Variants in CAMK1D observed in about 807,000 individuals in gnomAD.
CAMK1D encodes the protein calcium/calmodulin-dependent protein kinase type 1D.
A neutral mutation model predicts 47.7 loss-of-function variants in CAMK1D; 9 were observed. The observed-to-expected ratio is 0.19, with a 90% CI of 0.11 to 0.33. The LOEUF is 0.33. CAMK1D is among the 10% of genes least tolerant of loss of function. CAMK1D has a pLI of 1.00. For synonymous variants in CAMK1D, 184 were observed against 184.9 expected, an observed-to-expected ratio of 0.99 and a Z score of 0.04; for missense variants, 291 against 488.7, an observed-to-expected ratio of 0.60 and a Z score of 3.81.
chr10:12,789,206 AT>A (rs199706079), intron 5 of CAMK1D, among the ~76,000 whole-genome samples: 2 of 152,196 alleles, frequency 1.3e-5, no homozygotes, highest in African/African-American at 2.4e-5. Flanking sequence ...ACATTATGAG[AT>A]TTTTTTGGCG....
intron 1 of CAMK1D, among the ~76,000 whole-genome samples, chr10:12,439,963 G>A (rs191567395): frequency 7.2e-5 from 11 of 152,282 alleles, no homozygotes; most frequent in Admixed American, 6.5e-4. Flanking sequence ...ATCAGATCTC[G>A]TGAGAGACCT....
intron 1 of CAMK1D, among the ~76,000 whole-genome samples, chr10:12,417,721 C>T (rs1473778797): frequency 6.6e-6 from 1 of 151,940 alleles, no homozygotes; most frequent in Non-Finnish European, 1.5e-5. Context: ...GGAGGTCCTG[C>T]GATGGAGTGG....
chr10:12,526,867 G>C (rs1016571739), intron 1 of CAMK1D, among the ~76,000 whole-genome samples: 17 of 137,964 alleles, frequency 1.2e-4, no homozygotes, highest in African/African-American at 4.5e-4. Context: ...GCAGTGAGCT[G>C]TGATCATATC....
chr10:12,356,199 C>T (rs770105358), intron 1 of CAMK1D, among the ~76,000 whole-genome samples: 1 of 152,010 alleles, frequency 6.6e-6, no homozygotes, highest in South Asian at 2.1e-4. Flanking sequence ...GCGTGAGCCA[C>T]CTCACCTGGC....
At chr10:12,651,228 T>C (rs1214034541) in intron 2 of CAMK1D, among the ~76,000 whole-genome samples, 2 of 152,194 alleles carry the variant, frequency 1.3e-5, no homozygotes, top group African/African-American at 2.4e-5. Context: ...TCTGATGAAA[T>C]AGCAACTCAA....
chr10:12,746,333 C>T (rs1207485877), intron 3 of CAMK1D, among the ~76,000 whole-genome samples: 2 of 135,748 alleles, frequency 1.5e-5, no homozygotes, highest in African/African-American at 3.0e-5. Context: ...CACTGCACTC[C>T]AGCCTGGGCG....
intron 1 of CAMK1D, among the ~76,000 whole-genome samples, chr10:12,452,933 C>T (rs150375986): frequency 1.3e-4 from 20 of 152,170 alleles, no homozygotes; most frequent in East Asian, 5.8e-4. Context: ...GTGCAGCCAT[C>T]GCCACCATCC....
At chr10:12,615,988 T>C (rs1173202582) in intron 2 of CAMK1D, among the ~76,000 whole-genome samples, 1 of 151,230 alleles carries the variant, frequency 6.6e-6, no homozygotes, top group Non-Finnish European at 1.5e-5. Context: ...GTGTTGTGTC[T>C]GTATAGGTGT....
intron 1 of CAMK1D, among the ~76,000 whole-genome samples, chr10:12,377,242 T>C (rs1838211888): frequency 6.6e-6 from 1 of 152,076 alleles, no homozygotes; most frequent in Admixed American, 6.5e-5. Flanking sequence ...GCAAACAAAA[T>C]GTAGTATTCT....
chr10:12,404,558 A>G lies in CAMK1D; in HGVS notation c.92+54648A>G, dbSNP rs544944765. On this transcript the variant is annotated intron_variant, in intron 1 of 10. Transcript: ENST00000619168. The stretch of plus-strand genomic sequence containing the variant: ...AGAAAGCTGTTTGTTACTGTTCATT[A>G]TGTATTGTACAGGGTGATGCTGAGA... Among the ~76,000 whole-genome samples the G allele has an allele frequency of 3.9e-5, 6 of 152,298 alleles. No individual in the cohort carries two copies. In the East Asian group the frequency reaches 1.2e-3, roughly 29 times the overall value.
At chr10:12,450,178 A>T (rs12775723) in intron 1 of CAMK1D, among the ~76,000 whole-genome samples, 10,679 of 152,028 alleles carry the variant, frequency 0.07, 466 homozygotes, top group East Asian at 0.17. Flanking sequence ...AGAAGGAAGG[A>T]AGGAAGAAGG....
At chr10:12,434,007 A>T (rs776831223) in intron 1 of CAMK1D, among the ~76,000 whole-genome samples, 1 of 152,014 alleles carries the variant, frequency 6.6e-6, no homozygotes, top group Non-Finnish European at 1.5e-5. Context: ...GTCTTGCTCT[A>T]TTACCCAGGC....
intron 3 of CAMK1D, among the ~76,000 whole-genome samples, chr10:12,682,569 C>A (rs1832486327): frequency 1.3e-5 from 2 of 152,118 alleles, no homozygotes; most frequent in South Asian, 4.1e-4. Flanking sequence ...ATAGATATTG[C>A]AGCAGTTGTA....
chr10:12,529,855 T>C (rs1564394078), intron 1 of CAMK1D, among the ~76,000 whole-genome samples: 1 of 152,206 alleles, frequency 6.6e-6, no homozygotes, highest in Non-Finnish European at 1.5e-5. Context: ...AGGATGAATA[T>C]GATTAAATCT....
intron 1 of CAMK1D, among the ~76,000 whole-genome samples, chr10:12,478,963 C>G (rs1180303047): frequency 6.6e-6 from 1 of 152,228 alleles, no homozygotes; most frequent in Non-Finnish European, 1.5e-5. Flanking sequence ...GACGTATTTT[C>G]TCCTTTAATT....
intron 4 of CAMK1D, among the ~76,000 whole-genome samples, chr10:12,768,034 G>A (rs1176859841): frequency 2.6e-5 from 4 of 152,014 alleles, no homozygotes; most frequent in Admixed American, 2.0e-4. Context: ...CACCACGCCC[G>A]GCTAATTTTT....
intron 3 of CAMK1D, among the ~76,000 whole-genome samples, chr10:12,670,651 G>A (rs1003127065): frequency 7.9e-5 from 12 of 151,828 alleles, no homozygotes; most frequent in Non-Finnish European, 1.2e-4. Flanking sequence ...GGGTTCAAGC[G>A]ATTCTCCTAG....
At chr10:12,811,903 T>TA (rs1832622978) in intron 6 of CAMK1D, among the ~76,000 whole-genome samples, 1 of 152,250 alleles carries the variant, frequency 6.6e-6, no homozygotes. Flanking sequence ...GGCAGTGAAC[T>TA]ATGTGCCTGG....
chr10:12,698,623 TGTG>T (rs1438008822), intron 3 of CAMK1D, among the ~76,000 whole-genome samples: 1 of 151,934 alleles, frequency 6.6e-6, no homozygotes, highest in Non-Finnish European at 1.5e-5. Flanking sequence ...ACCATGTCAG[TGTG>T]GTGTTTTTTA....
Sources: gnomAD v4.1 joint callset for allele counts (sites outside exome capture counted in the v4.1 genomes callset) on GRCh38, gnomAD v4.1.1 for gene constraint, MANE v1.5 for transcripts, NCBI Gene and HGNC (gene_info 2026-07-23, HGNC 2026-07-21) for gene names.